Variants in DLGAP1 observed in about 807,000 individuals in gnomAD.
DLGAP1 encodes disks large-associated protein 1.
Under a neutral mutation model 90.8 loss-of-function variants are expected in DLGAP1, and 11 were observed. The ratio of observed to expected loss-of-function variants is 0.12; its 90% confidence interval spans 0.08 to 0.20. The LOEUF (loss-of-function observed/expected upper bound fraction) is 0.20. Ranked by LOEUF, DLGAP1 falls within the 10% of genes least tolerant of loss-of-function variation. The pLI is 1.00. For synonymous variants in DLGAP1, 558 were observed against 540.7 expected (o/e 1.03, Z -0.44); for missense variants, 1,050 against 1,333.8 (o/e 0.79, Z 3.31).
chr18:4,307,792 T>C lies in DLGAP1; in HGVS notation c.-267+147214A>G, dbSNP rs533660647. The stretch of plus-strand genomic sequence containing the variant: ...GTGCAGTGGCATGATCTCAGCTCAC[T>C]GCAACCTCCATCTCCTGGGTTCAAG... On this transcript the variant is annotated intron_variant, in intron 1 of 12. Coordinates refer to ENST00000315677, the MANE Select transcript of DLGAP1 (RefSeq NM_004746.4). Among the ~76,000 whole-genome samples the C allele has an allele frequency of 1.1e-3, 169 of 148,412 alleles. 1 individual carries two copies. The highest frequency in any genetic ancestry group is 4.0e-3 in the African/African-American group (160 of 40,288).
chr18:3,837,675 C>T (rs1598948216), intron 4 of DLGAP1, among the ~76,000 whole-genome samples: 1 of 151,172 alleles, frequency 6.6e-6, no homozygotes, highest in Non-Finnish European at 1.5e-5. Flanking sequence ...ATGGTGAAAC[C>T]CCGTCTCTAC....
chr18:4,112,912 A>G (rs1220109104), intron 2 of DLGAP1, among the ~76,000 whole-genome samples: 1 of 151,966 alleles, frequency 6.6e-6, no homozygotes, highest in African/African-American at 2.4e-5. Flanking sequence ...CTTTAGCTGA[A>G]TCCATGTTGC....
At chr18:4,269,714 A>G (rs2079230919) in intron 1 of DLGAP1, among the ~76,000 whole-genome samples, 1 of 151,990 alleles carries the variant, frequency 6.6e-6, no homozygotes, top group South Asian at 2.1e-4. Flanking sequence ...GGCCATTGAC[A>G]TAGTCTATAA....
intron 1 of DLGAP1, among the ~76,000 whole-genome samples, chr18:4,423,851 T>TAAAAAAA (rs36053501): frequency 8.3e-6 from 1 of 120,628 alleles, no homozygotes; most frequent in African/African-American, 3.2e-5. Flanking sequence ...CCCAGGAATT[T>TAAAAAAA]AAAAAAAAAA....
At chr18:3,965,940 C>CAAAAAAAAAAAAAAAAA (rs544643910) in intron 3 of DLGAP1, among the ~76,000 whole-genome samples, 1 of 100,578 alleles carries the variant, frequency 9.9e-6, no homozygotes, top group Non-Finnish European at 1.9e-5. Context: ...GACTCCATGT[C>CAAAAAAAAAAAAAAAAA]AAAAAAAAAA....
chr18:4,000,514 A>C (rs868390089), intron 3 of DLGAP1, among the ~76,000 whole-genome samples: 19 of 152,288 alleles, frequency 1.2e-4, no homozygotes, highest in Middle Eastern at 6.8e-3. Context: ...ATGTCTACTT[A>C]ATGCTCACCG....
At chr18:3,637,680 G>A (rs371310319) in intron 7 of DLGAP1, among the ~76,000 whole-genome samples, 4 of 151,514 alleles carry the variant, frequency 2.6e-5, no homozygotes, top group East Asian at 3.9e-4. Context: ...CTGGGAGGTC[G>A]AGGCTTCAAT....
chr18:4,079,619 C>A (rs1437614605), intron 2 of DLGAP1, among the ~76,000 whole-genome samples: 2 of 151,784 alleles, frequency 1.3e-5, no homozygotes, highest in Admixed American at 1.3e-4. Flanking sequence ...GCACCACAAT[C>A]TCAGACTTCA....
At chr18:3,561,223 C>T (rs147138533) in intron 9 of DLGAP1, among the ~76,000 whole-genome samples, 4,613 of 144,252 alleles carry the variant, frequency 0.032, 146 homozygotes, top group South Asian at 0.055. Flanking sequence ...TGAGACCAGC[C>T]TGTTCAACAT....
At chr18:3,505,004 A>G (rs551524080) in intron 11 of DLGAP1, among the ~76,000 whole-genome samples, 2 of 152,254 alleles carry the variant, frequency 1.3e-5, no homozygotes, top group East Asian at 3.9e-4. Flanking sequence ...TAAGCCTGGG[A>G]GTCTAGTTAG....
intron 1 of DLGAP1, among the ~76,000 whole-genome samples, chr18:4,237,657 C>T (rs2078447586): frequency 6.6e-6 from 1 of 150,970 alleles, no homozygotes; most frequent in Admixed American, 6.6e-5. Context: ...TTTCTTTTTT[C>T]AGCAAGAGGC....
intron 7 of DLGAP1, among the ~76,000 whole-genome samples, chr18:3,714,659 T>G (rs1396770532): frequency 6.7e-6 from 1 of 150,330 alleles, no homozygotes; most frequent in Non-Finnish European, 1.5e-5. Context: ...TTTTTTTTTT[T>G]TTTTTAGAGG....
intron 1 of DLGAP1, among the ~76,000 whole-genome samples, chr18:4,333,880 G>GT (rs1193987237): frequency 6.6e-6 from 1 of 151,112 alleles, no homozygotes; most frequent in East Asian, 2.0e-4. Flanking sequence ...GACCACAGGC[G>GT]TGAGCCACCG....
At chr18:4,132,795 C>T (rs148251628) in intron 2 of DLGAP1, among the ~76,000 whole-genome samples, 148 of 152,272 alleles carry the variant, frequency 9.7e-4, no homozygotes, top group African/African-American at 3.3e-3. Context: ...TCATTTGCTG[C>T]GTGCCATACA....
chr18:3,905,105 T>C (rs1045461790), intron 3 of DLGAP1, among the ~76,000 whole-genome samples: 1 of 151,360 alleles, frequency 6.6e-6, no homozygotes, highest in Admixed American at 6.6e-5. Context: ...TGGTGGCTCA[T>C]GCCTGTAATC....
At chr18:3,575,200 A>G (rs908185772) in intron 8 of DLGAP1, among the ~76,000 whole-genome samples, 3 of 152,174 alleles carry the variant, frequency 2.0e-5, no homozygotes, top group Non-Finnish European at 1.5e-5. Flanking sequence ...CATTATCTGC[A>G]GTTGGACTTA....
chr18:4,000,438 C>T (rs1196675362), intron 3 of DLGAP1, among the ~76,000 whole-genome samples: 1 of 152,112 alleles, frequency 6.6e-6, no homozygotes, highest in Non-Finnish European at 1.5e-5. Context: ...GTATATAGAG[C>T]AAATGGCCAT....
intron 7 of DLGAP1, among the ~76,000 whole-genome samples, chr18:3,641,362 T>C (rs1160387286): frequency 1.3e-5 from 2 of 150,954 alleles, no homozygotes; most frequent in Non-Finnish European, 3.0e-5. Flanking sequence ...CATGAGGAAA[T>C]CCCGTCTCTA....
At chr18:3,816,219 G>A (rs1448728255) in intron 4 of DLGAP1, among the ~76,000 whole-genome samples, 2 of 152,200 alleles carry the variant, frequency 1.3e-5, no homozygotes, top group Admixed American at 6.5e-5. Context: ...CAGCTAAAAC[G>A]GCAGCACTAG....
Sources: allele counts gnomAD v4.1 joint callset (sites outside exome capture counted in the v4.1 genomes callset), GRCh38; gene constraint gnomAD v4.1.1; transcripts MANE v1.5; gene names NCBI Gene and HGNC (gene_info 2026-07-23, HGNC 2026-07-21).